PROM1: variants seen among roughly 807,000 people sequenced by gnomAD.
The protein encoded by PROM1 is prominin 1.
Under a neutral mutation model 116.9 loss-of-function variants are expected in PROM1, and 105 were observed. The observed-to-expected ratio is 0.90, with a 90% CI of 0.77 to 1.06. PROM1 has a LOEUF of 1.06. PROM1 is among the 50% of genes least tolerant of loss of function. The pLI is 0.00. For synonymous variants in PROM1, 393 were observed against 387.0 expected, an observed-to-expected ratio of 1.02 and a Z score of -0.18; for missense variants, 1,122 against 1,045.2, an observed-to-expected ratio of 1.07 and a Z score of -1.01.
intron 13 of PROM1, among the ~76,000 whole-genome samples, chr4:16,004,201 A>G (rs1462567651): frequency 6.6e-6 from 1 of 152,210 alleles, no homozygotes; most frequent in Non-Finnish European, 1.5e-5. Context: ...TGCATTCAAC[A>G]ATAAAGAAAT....
chr4:16,006,025 G>C lies in PROM1; in HGVS notation c.1454+513C>G, dbSNP rs139684241. 5.6e-3 allele frequency among the ~76,000 whole-genome samples: 857 copies of C among 152,286 alleles called. 9 individuals are homozygous for C. Among genetic ancestry groups the C allele is most frequent in the African/African-American group, 0.019 (786 of 41,562 alleles). On this transcript the variant is annotated intron_variant, in intron 13 of 27. Transcript: ENST00000447510. ...TACCTCTCCCTGCTGCCTCACACCTGTTCTCACGCCTAATCTAGGCTACCT... is the reference window on the plus strand; with the variant it reads ...TACCTCTCCCTGCTGCCTCACACCTCTTCTCACGCCTAATCTAGGCTACCT...
intron 2 of PROM1, among the ~76,000 whole-genome samples, chr4:16,053,756 C>T (rs1738386088): frequency 6.6e-6 from 1 of 152,198 alleles, no homozygotes; most frequent in African/African-American, 2.4e-5. Flanking sequence ...TGGGGATTCA[C>T]TGTATTCTTT....
chr4:16,030,541 T>C (rs898490683), intron 5 of PROM1, among the ~76,000 whole-genome samples: 10 of 152,194 alleles, frequency 6.6e-5, no homozygotes, highest in African/African-American at 2.2e-4. Flanking sequence ...ATTGATTTGA[T>C]AGGTCTGAGT....
chr4:15,982,969 G>A (rs914631678), intron 23 of PROM1, among the ~76,000 whole-genome samples: 4 of 152,210 alleles, frequency 2.6e-5, no homozygotes, highest in African/African-American at 7.2e-5. Context: ...GTGCCAGAGA[G>A]CTACCTGACA....
chr4:15,986,690 CA>C (rs749495387), intron 20 of PROM1, among the ~76,000 whole-genome samples: 1 of 152,208 alleles, frequency 6.6e-6, no homozygotes, highest in African/African-American at 2.4e-5. Context: ...GGTGTGTTTC[CA>C]GGTTCCCCTG....
intron 26 of PROM1, among the ~76,000 whole-genome samples, chr4:15,977,907 AT>A (rs1158318724): frequency 1.3e-5 from 2 of 152,246 alleles, no homozygotes; most frequent in East Asian, 3.9e-4. Flanking sequence ...CAAGAACTTG[AT>A]TTTTTTAATT....
chr4:16,003,971 C>T (rs1337441507), intron 13 of PROM1, among the ~76,000 whole-genome samples: 1 of 152,124 alleles, frequency 6.6e-6, no homozygotes, highest in Non-Finnish European at 1.5e-5. Flanking sequence ...TTTTAAAGAG[C>T]AGGTGGTGTT....
intron 2 of PROM1, among the ~76,000 whole-genome samples, chr4:16,050,440 A>C (rs1276327686): frequency 6.6e-6 from 1 of 152,094 alleles, no homozygotes; most frequent in African/African-American, 2.4e-5. Flanking sequence ...TGCATACATG[A>C]TCTCCTGGAC....
At chr4:15,980,313 A>T in intron 24 of PROM1, 109 bp downstream of exon 24, 1 of 867,778 alleles carries the variant, frequency 1.2e-6, no homozygotes. Context: ...TAAAAAAAAA[A>T]AAAAAAAGAA....
At chr4:16,034,606 T>C (rs1297167713) in intron 4 of PROM1, among the ~76,000 whole-genome samples, 1 of 152,182 alleles carries the variant, frequency 6.6e-6, no homozygotes, top group African/African-American at 2.4e-5. Flanking sequence ...CGAAAATTAA[T>C]GCAACTAGAT....
chr4:16,081,637 T>A (rs1037850640), intron 1 of PROM1, among the ~76,000 whole-genome samples: 3 of 152,182 alleles, frequency 2.0e-5, no homozygotes, highest in Admixed American at 6.5e-5. Context: ...TACCCCCGAC[T>A]CAGCTTCCAC....
At chr4:16,016,533 G>C (rs553379260) in intron 9 of PROM1, among the ~76,000 whole-genome samples, 3 of 152,258 alleles carry the variant, frequency 2.0e-5, no homozygotes, top group South Asian at 4.1e-4. Context: ...AAATACTAAA[G>C]ATGGTCCAAT....
intron 26 of PROM1, 30 bp downstream of exon 26, chr4:15,979,365 G>A (rs1336434577): frequency 1.2e-6 from 2 of 1,613,562 alleles, no homozygotes; most frequent in Non-Finnish European, 1.7e-6. Flanking sequence ...TTATCATAGG[G>A]CGGGCATGCA....
intron 2 of PROM1, among the ~76,000 whole-genome samples, chr4:16,039,386 T>C (rs1183879037): frequency 1.3e-5 from 2 of 152,252 alleles, no homozygotes; most frequent in Non-Finnish European, 2.9e-5. Flanking sequence ...TGTTCAATAA[T>C]TCCACATTTG....
intron 2 of PROM1, among the ~76,000 whole-genome samples, chr4:16,053,980 G>A (rs1197753744): frequency 6.6e-6 from 1 of 152,216 alleles, no homozygotes; most frequent in East Asian, 1.9e-4. Flanking sequence ...TGTCATCCCA[G>A]TTACTTGGGA....
intron 2 of PROM1, among the ~76,000 whole-genome samples, chr4:16,054,207 T>C (rs543897493): frequency 6.6e-6 from 1 of 152,374 alleles, no homozygotes; most frequent in East Asian, 1.9e-4. Flanking sequence ...TCACTAATTA[T>C]TCTTTTGGCC....
chr4:15,993,923 A>C, intron 16 of PROM1, 64 bp downstream of exon 16: 7 of 1,554,698 alleles, frequency 4.5e-6, no homozygotes, highest in Non-Finnish European at 6.1e-6. Flanking sequence ...CCAGAAAAGA[A>C]AGAAAGACAC....
intron 18 of PROM1, 133 bp downstream of exon 18, chr4:15,991,089 C>A: frequency 4.3e-6 from 3 of 690,162 alleles, no homozygotes; most frequent in South Asian, 3.8e-5. Context: ...CGTAATGACA[C>A]ACACAAGAGA....
At chr4:15,976,128 A>G (rs1005391056) in intron 26 of PROM1, 8 of 453,000 alleles carry the variant, frequency 1.8e-5, no homozygotes, top group Non-Finnish European at 3.6e-5. Context: ...ATGACCACAG[A>G]ATCATCCTAA....
Sources: gnomAD v4.1 joint callset for allele counts (sites outside exome capture counted in the v4.1 genomes callset) on GRCh38, gnomAD v4.1.1 for gene constraint, MANE v1.5 for transcripts, NCBI Gene and HGNC (gene_info 2026-07-23, HGNC 2026-07-21) for gene names.